Variants in CAMKMT observed in about 807,000 individuals in gnomAD.
CAMKMT encodes the protein CaM KMT.
Under a neutral mutation model 48.0 loss-of-function variants are expected in CAMKMT, and 53 were observed. The ratio of observed to expected loss-of-function variants is 1.10; its 90% CI spans 0.89 to 1.39. The LOEUF is 1.39. Ranked by LOEUF, CAMKMT falls within the 40% of genes most tolerant of loss-of-function variation. CAMKMT has a pLI of 0.00. For missense variants in CAMKMT, 428 were observed against 402.7 expected (o/e 1.06, Z -0.54); for synonymous variants, 165 against 152.3 (o/e 1.08, Z -0.61).
chr2:44,400,407 G>A (rs537787530), intron 3 of CAMKMT, among the ~76,000 whole-genome samples: 1 of 151,924 alleles, frequency 6.6e-6, no homozygotes, highest in South Asian at 2.1e-4. Flanking sequence ...ATTATTATAT[G>A]GAATGAGCAG....
chr2:44,559,812 G>T (rs1213640889), intron 3 of CAMKMT, among the ~76,000 whole-genome samples: 1 of 152,076 alleles, frequency 6.6e-6, no homozygotes, highest in African/African-American at 2.4e-5. Context: ...TTTTTTATTT[G>T]AACTGCTAGC....
intron 3 of CAMKMT, among the ~76,000 whole-genome samples, chr2:44,684,542 C>T (rs343975): frequency 7.9e-5 from 12 of 151,700 alleles, no homozygotes; most frequent in Non-Finnish European, 1.0e-4. Context: ...TCACTTAAAG[C>T]GTCCATTCTA....
intron 3 of CAMKMT, among the ~76,000 whole-genome samples, chr2:44,527,377 A>G (rs1666193304): frequency 7.0e-6 from 1 of 143,134 alleles, no homozygotes; most frequent in South Asian, 2.1e-4. Flanking sequence ...ATATACATAC[A>G]TATAATATAT....
chr2:44,399,650 T>TCTAA (rs1478907308), intron 3 of CAMKMT, among the ~76,000 whole-genome samples: 1 of 151,990 alleles, frequency 6.6e-6, no homozygotes, highest in Admixed American at 6.6e-5. Context: ...AAGAAAAAAT[T>TCTAA]CTAACTCTTG....
chr2:44,566,225 A>G (rs1411817597), intron 3 of CAMKMT, among the ~76,000 whole-genome samples: 1 of 152,180 alleles, frequency 6.6e-6, no homozygotes, highest in Non-Finnish European at 1.5e-5. Flanking sequence ...ATGAACAGTA[A>G]TATAATTTTG....
rs764984677 is a variant in CAMKMT at position 44,661,310 on chromosome 2, C to CTTTTTT, written c.377-42955_377-42950dup. Among the ~76,000 whole-genome samples the CTTTTTT allele has an allele frequency of 5.9e-4, 53 of 89,184 alleles. 3 individuals are homozygous for CTTTTTT. Among genetic ancestry groups the CTTTTTT allele is most frequent in the African/African-American group, 1.1e-3 (22 of 20,040 alleles). The allele number at this position is 89,184 out of a possible 152,430, so 58.5% of individuals were successfully genotyped here. On this transcript the variant is annotated intron_variant, in intron 3 of 10. Transcript: ENST00000378494. ...AATAACAACAATGGTTGTGAGCAGCCTTTTTTTTTTTTTTTTTTTTTTTGA... is the reference window on the plus strand; with the variant it reads ...AATAACAACAATGGTTGTGAGCAGCCTTTTTTTTTTTTTTTTTTTTTTTTTTTTTGA...
intron 3 of CAMKMT, among the ~76,000 whole-genome samples, chr2:44,576,235 G>A (rs917469712): frequency 4.0e-5 from 6 of 151,730 alleles, no homozygotes; most frequent in African/African-American, 1.5e-4. Flanking sequence ...GGCTGAGGCA[G>A]GAGAATTGCT....
intron 3 of CAMKMT, among the ~76,000 whole-genome samples, chr2:44,445,645 GTTTTTTTTTTTTT>G (rs869258613): frequency 7.9e-5 from 8 of 101,426 alleles, no homozygotes; most frequent in Non-Finnish European, 1.2e-4. Flanking sequence ...CAAAAGGGTA[GTTTTTTTTTTTTT>G]TTTTTTTTTT....
rs571119227 is a variant in CAMKMT at position 44,527,349 on chromosome 2, TATATA to T, written c.376+137050_376+137054del. Among the ~76,000 whole-genome samples, 372 of 144,142 alleles carry T rather than the reference TATATA, an allele frequency of 2.6e-3. 1 individual carries two copies. The highest frequency in any genetic ancestry group is 8.9e-3 in the African/African-American group (353 of 39,462). 94.6% of individuals were successfully genotyped at this position (144,142 alleles called of 152,430 possible). ...TATACATATATAATACATATATACA[TATATA>T]ATATATATACGTATATACATACATA... On this transcript the variant is annotated intron_variant, in intron 3 of 10. Transcript: ENST00000378494.
At chr2:44,506,658 G>C (rs752955072) in intron 3 of CAMKMT, among the ~76,000 whole-genome samples, 6 of 152,072 alleles carry the variant, frequency 3.9e-5, no homozygotes, top group Non-Finnish European at 5.9e-5. Flanking sequence ...GATTTTTAGT[G>C]CTAATAATGA....
intron 8 of CAMKMT, among the ~76,000 whole-genome samples, chr2:44,753,046 G>T (rs1046481969): frequency 6.6e-6 from 1 of 152,088 alleles, no homozygotes; most frequent in African/African-American, 2.4e-5. Flanking sequence ...AAGCAAAGGG[G>T]TGACAGAGCT....
chr2:44,569,540 C>G (rs1467355153), intron 3 of CAMKMT, among the ~76,000 whole-genome samples: 1 of 152,174 alleles, frequency 6.6e-6, no homozygotes, highest in African/African-American at 2.4e-5. Flanking sequence ...TTCCAACTCT[C>G]AGATTCCATG....
chr2:44,573,879 G>A (rs1669058463), intron 3 of CAMKMT, among the ~76,000 whole-genome samples: 1 of 152,092 alleles, frequency 6.6e-6, no homozygotes, highest in African/African-American at 2.4e-5. Flanking sequence ...ATGTAAGTAT[G>A]TCTATTTCTG....
At chr2:44,538,859 A>T (rs945790166) in intron 3 of CAMKMT, among the ~76,000 whole-genome samples, 2 of 151,902 alleles carry the variant, frequency 1.3e-5, no homozygotes, top group African/African-American at 4.8e-5. Context: ...TTATAATAAT[A>T]CCAATTATTA....
chr2:44,742,561 G>A (rs1373332272), intron 7 of CAMKMT, among the ~76,000 whole-genome samples: 1 of 152,154 alleles, frequency 6.6e-6, no homozygotes, highest in Non-Finnish European at 1.5e-5. Context: ...CAGTAGGAAC[G>A]AGTTGGACAA....
chr2:44,562,186 G>A (rs116568822), intron 3 of CAMKMT, among the ~76,000 whole-genome samples: 7 of 152,276 alleles, frequency 4.6e-5, no homozygotes, highest in African/African-American at 1.7e-4. Context: ...AGTGAGAGGG[G>A]CTAAGAGCCA....
In CAMKMT at chr2:44,609,045, T is replaced by C. The variant is rs922974378; in HGVS notation, c.377-95238T>C. On this transcript the variant is annotated intron_variant, in intron 3 of 10. Coordinates refer to ENST00000378494, the MANE Select transcript of CAMKMT (RefSeq NM_024766.5). ...CCAGTCAATCACTTTTGCAGTATTT[T>C]AAAAGAAGATTGCACATGAAAAGAT... 2.0e-5 allele frequency among the ~76,000 whole-genome samples: 3 copies of C among 152,254 alleles called. No individual in the cohort carries two copies. The South Asian group carries it at 6.2e-4, about 31-fold the overall frequency.
intron 3 of CAMKMT, among the ~76,000 whole-genome samples, chr2:44,629,453 T>G (rs1213527728): frequency 1.4e-5 from 2 of 143,718 alleles, no homozygotes; most frequent in African/African-American, 2.6e-5. Flanking sequence ...TTTTTTTTTT[T>G]GAGACAGGGT....
chr2:44,422,943 A>G (rs753020010), intron 3 of CAMKMT, among the ~76,000 whole-genome samples: 16 of 152,146 alleles, frequency 1.1e-4, no homozygotes, highest in Admixed American at 3.3e-4. Context: ...GTTCAGAATC[A>G]ACGTGGTATG....
Sources: allele counts gnomAD v4.1 joint callset (sites outside exome capture counted in the v4.1 genomes callset), GRCh38; gene constraint gnomAD v4.1.1; transcripts MANE v1.5; gene names NCBI Gene and HGNC (gene_info 2026-07-23, HGNC 2026-07-21).